The following NDFIP2 variants were observed in gnomAD, a reference collection of about 807,000 sequenced individuals.
NDFIP2 encodes Nedd4 family interacting protein 2.
A neutral mutation model predicts 36.0 loss-of-function variants in NDFIP2; 19 were observed. That is an observed-to-expected ratio of 0.53 (90% confidence interval 0.37 to 0.77). NDFIP2 has a LOEUF of 0.77. NDFIP2 is among the 30% of genes least tolerant of loss of function. The pLI, the probability that NDFIP2 is intolerant of heterozygous loss-of-function variation, is 0.00. For missense variants in NDFIP2, 446 were observed against 435.8 expected (o/e 1.02, Z -0.21); for synonymous variants, 181 against 167.7 (o/e 1.08, Z -0.61).
intron 2 of NDFIP2, among the ~76,000 whole-genome samples, chr13:79,521,823 CTTTT>C (rs577691451): frequency 7.7e-6 from 1 of 130,484 alleles, no homozygotes. Flanking sequence ...TTTCGTTTTG[CTTTT>C]TTTTTTTTTT....
At chr13:79,483,692 G>C (rs2079828066) in intron 1 of NDFIP2, among the ~76,000 whole-genome samples, 1 of 152,158 alleles carries the variant, frequency 6.6e-6, no homozygotes, top group Non-Finnish European at 1.5e-5. Flanking sequence ...GTGATGCTCA[G>C]GGTCATCAGA....
At chr13:79,538,529 G>A (rs1238782037) in intron 3 of NDFIP2, among the ~76,000 whole-genome samples, 1 of 152,100 alleles carries the variant, frequency 6.6e-6, no homozygotes, top group Non-Finnish European at 1.5e-5. Context: ...CAACAAAAGG[G>A]GATACAAGCC....
At chr13:79,527,630 G>GT (rs1874853068) in intron 2 of NDFIP2, among the ~76,000 whole-genome samples, 1 of 152,130 alleles carries the variant, frequency 6.6e-6, no homozygotes, top group South Asian at 2.1e-4. Context: ...TACTCTGTCG[G>GT]TTGTGTACAA....
chr13:79,554,596 T>G lies in NDFIP2; in HGVS notation c.*2083T>G, dbSNP rs1029343327. On this transcript the variant is annotated 3_prime_UTR_variant, in exon 8 of 8. Transcript: ENST00000218652. The stretch of plus-strand genomic sequence containing the variant: ...ACTGAATCCTCTATAATTGGCATAA[T>G]TCAATGGTAGCCTTAAATCTCATCA... 1 of 151,878 alleles carries G rather than the reference T, an allele frequency of 6.6e-6. No homozygotes were observed. Among genetic ancestry groups the G allele is most frequent in the African/African-American group, 2.4e-5 (1 of 41,416 alleles). The allele number at this position is 151,878 out of a possible 1,614,324, so 9.4% of individuals were successfully genotyped here. A position where few individuals can be genotyped will look rare whatever the true frequency, so the allele number is the denominator to read the frequency against.
intron 1 of NDFIP2, among the ~76,000 whole-genome samples, chr13:79,485,658 A>G (rs1230175662): frequency 1.3e-5 from 2 of 152,082 alleles, no homozygotes; most frequent in African/African-American, 2.4e-5. Context: ...AGGTTACCCA[A>G]CTGCATAGTC....
intron 3 of NDFIP2, among the ~76,000 whole-genome samples, chr13:79,538,262 T>C (rs1719415384): frequency 6.6e-6 from 1 of 152,088 alleles, no homozygotes; most frequent in African/African-American, 2.4e-5. Flanking sequence ...GATCGAACCA[T>C]ATAATTCTGT....
chr13:79,535,081 CAG>C (rs1354625182), intron 3 of NDFIP2, among the ~76,000 whole-genome samples: 1 of 152,036 alleles, frequency 6.6e-6, no homozygotes, highest in African/African-American at 2.4e-5. Context: ...GGGAACATCA[CAG>C]AGGAGGAGGA....
intron 1 of NDFIP2, among the ~76,000 whole-genome samples, chr13:79,489,264 C>T (rs1402768622): frequency 6.6e-6 from 1 of 152,144 alleles, no homozygotes; most frequent in Non-Finnish European, 1.5e-5. Context: ...TTGATGTTGT[C>T]TATTTTCTGG....
intron 6 of NDFIP2, among the ~76,000 whole-genome samples, chr13:79,550,492 A>G (rs1875862796): frequency 6.6e-6 from 1 of 151,648 alleles, no homozygotes; most frequent in Non-Finnish European, 1.5e-5. Context: ...ATATGTACAT[A>G]ATGCACGTAT....
At chr13:79,505,978 C>A (rs1317986708) in intron 1 of NDFIP2, among the ~76,000 whole-genome samples, 3 of 152,124 alleles carry the variant, frequency 2.0e-5, no homozygotes, top group Non-Finnish European at 4.4e-5. Context: ...AAATGATTAT[C>A]AGAGGTTTTT....
intron 4 of NDFIP2, among the ~76,000 whole-genome samples, chr13:79,542,085 G>A (rs1002421831): frequency 3.3e-5 from 5 of 152,140 alleles, no homozygotes; most frequent in Non-Finnish European, 5.9e-5. Context: ...ACAGAATTTG[G>A]TTATTTGCCA....
chr13:79,536,674 G>C (rs1875255211), intron 3 of NDFIP2, among the ~76,000 whole-genome samples: 1 of 152,054 alleles, frequency 6.6e-6, no homozygotes, highest in South Asian at 2.1e-4. Flanking sequence ...CATTCCTCTA[G>C]AGTGAACAAT....
chr13:79,481,806 C>T (rs1332790663), intron 1 of NDFIP2, among the ~76,000 whole-genome samples: 1 of 152,126 alleles, frequency 6.6e-6, no homozygotes, highest in East Asian at 1.9e-4. Flanking sequence ...CACCTTACAA[C>T]TTGTATCCGT....
chr13:79,515,142 T>C (rs1874237628), intron 1 of NDFIP2, among the ~76,000 whole-genome samples: 1 of 152,160 alleles, frequency 6.6e-6, no homozygotes, highest in Admixed American at 6.5e-5. Context: ...AGCATGTTAC[T>C]GTACTGAATA....
intron 1 of NDFIP2, among the ~76,000 whole-genome samples, chr13:79,486,095 G>T (rs984057432): frequency 6.6e-6 from 1 of 151,884 alleles, no homozygotes; most frequent in Non-Finnish European, 1.5e-5. Context: ...ATATAGTCAC[G>T]TTCATCTTTG....
intron 3 of NDFIP2, 32 bp downstream of exon 3, chr13:79,533,488 A>G (rs774298224): frequency 1.3e-6 from 2 of 1,561,450 alleles, no homozygotes; most frequent in Non-Finnish European, 1.7e-6. Context: ...TTTTGATAAA[A>G]TTATTTTCGT....
intron 1 of NDFIP2, among the ~76,000 whole-genome samples, chr13:79,484,594 TA>T (rs1225170422): frequency 6.6e-6 from 1 of 152,226 alleles, no homozygotes; most frequent in East Asian, 1.9e-4. Flanking sequence ...TCTTTGTTTT[TA>T]AAATTTTAAG....
Position 79,554,403 on chromosome 13 carries a change from A to G in NDFIP2, c.*1890A>G, listed in dbSNP as rs1160997904. ...GCTACATGGTAATTAAATAATTACTAGGAAGCTTAGCTATCAAACATCGAC... is the reference window on the plus strand; with the variant it reads ...GCTACATGGTAATTAAATAATTACTGGGAAGCTTAGCTATCAAACATCGAC... On this transcript the variant is annotated 3_prime_UTR_variant, in exon 8 of 8. Transcript: ENST00000218652. 1 of 151,832 alleles carries G rather than the reference A, an allele frequency of 6.6e-6. No homozygotes were observed. The highest frequency in any genetic ancestry group is 1.5e-5 in the Non-Finnish European group (1 of 67,754). 9.4% of individuals were successfully genotyped at this position (151,832 alleles called of 1,614,324 possible).
At chr13:79,508,953 A>G (rs921182334) in intron 1 of NDFIP2, among the ~76,000 whole-genome samples, 6 of 152,022 alleles carry the variant, frequency 3.9e-5, no homozygotes, top group Non-Finnish European at 8.8e-5. Flanking sequence ...TACTAGAAAT[A>G]TTTTATTTGT....
Sources: gnomAD v4.1 joint callset for allele counts (sites outside exome capture counted in the v4.1 genomes callset) on GRCh38, gnomAD v4.1.1 for gene constraint, MANE v1.5 for transcripts, NCBI Gene and HGNC (gene_info 2026-07-23, HGNC 2026-07-21) for gene names.